The following DLG2 variants were observed in gnomAD, a reference collection of about 807,000 sequenced individuals.
The protein encoded by DLG2 is discs large MAGUK scaffold protein 2, also known as disks large homolog 2.
In DLG2, 45 loss-of-function variants were observed where a neutral mutation model predicts 132.5. That is an observed-to-expected ratio of 0.34 (90% CI 0.27 to 0.44). DLG2 has a LOEUF of 0.44. DLG2 is among the 20% of genes least tolerant of loss of function. The probability of loss-of-function intolerance (pLI) is 1.00; values close to 1 mark genes in which losing one functional copy is unlikely to be tolerated. For synonymous variants in DLG2, 424 were observed against 419.6 expected (o/e 1.01, Z -0.13); for missense variants, 1,045 against 1,196.9 (o/e 0.87, Z 1.87).
intron 11 of DLG2, among the ~76,000 whole-genome samples, chr11:83,990,845 T>C (rs2093667037): frequency 6.6e-6 from 1 of 152,136 alleles, no homozygotes; most frequent in Non-Finnish European, 1.5e-5. Flanking sequence ...AAAGCACTAG[T>C]AGTTTTCTGC....
At chr11:83,501,732 G>A (rs779300576) in intron 21 of DLG2, among the ~76,000 whole-genome samples, 36 of 152,282 alleles carry the variant, frequency 2.4e-4, no homozygotes, top group Admixed American at 5.9e-4. Flanking sequence ...TCCAGAGACT[G>A]ACATAACAGT....
intron 6 of DLG2, among the ~76,000 whole-genome samples, chr11:84,958,462 A>T (rs1283949430): frequency 6.6e-6 from 1 of 152,216 alleles, no homozygotes; most frequent in Non-Finnish European, 1.5e-5. Context: ...CTTTCTTGGA[A>T]CATAGGGCTT....
chr11:83,542,046 T>G (rs951941094), intron 19 of DLG2, among the ~76,000 whole-genome samples, 188 bp from the exon 20 acceptor site: 4 of 147,448 alleles, frequency 2.7e-5, no homozygotes, highest in African/African-American at 1.0e-4. Flanking sequence ...AGTTCTTGCT[T>G]CTTCTTGGAG....
chr11:83,801,526 T>A (rs1406753553), intron 17 of DLG2, among the ~76,000 whole-genome samples: 1 of 152,236 alleles, frequency 6.6e-6, no homozygotes, highest in African/African-American at 2.4e-5. Flanking sequence ...CTGTTTTGCA[T>A]CAGTCCAAGT....
intron 6 of DLG2, among the ~76,000 whole-genome samples, chr11:84,760,468 G>A (rs1048058097): frequency 3.3e-5 from 5 of 152,134 alleles, no homozygotes; most frequent in African/African-American, 1.2e-4. Flanking sequence ...TTAGGGGAGA[G>A]AAAGACAACC....
chr11:83,511,087 G>GACACACACACACACACAC (rs60156321), intron 21 of DLG2, among the ~76,000 whole-genome samples: 8,374 of 138,346 alleles, frequency 0.061, 361 homozygotes, highest in East Asian at 0.11. Context: ...CACACACACA[G>GACACACACACACACACAC]ACACACACAC....
rs1293882416 is a variant in DLG2 at position 83,862,709 on chromosome 11, C to T, written c.1565+11711G>A. ...GCAGCATTCATAATATTACTGTCTA[C>T]AAACTTTAAAACTCTGTACAACTAC... On this transcript the variant is annotated intron_variant, in intron 16 of 27. Coordinates refer to ENST00000376104, the MANE Select transcript of DLG2 (RefSeq NM_001142699.3). Among the ~76,000 whole-genome samples the T allele has an allele frequency of 2.0e-5, 3 of 152,116 alleles. No individual in the cohort carries two copies. The East Asian group carries it at 5.8e-4, about 29-fold the overall frequency.
intron 11 of DLG2, among the ~76,000 whole-genome samples, chr11:84,028,163 C>A (rs1218386191): frequency 6.6e-6 from 1 of 151,940 alleles, no homozygotes; most frequent in African/African-American, 2.4e-5. Context: ...AAAAATCTCT[C>A]TTCATTTCAA....
chr11:83,495,695 A>G (rs1435802023), intron 21 of DLG2, among the ~76,000 whole-genome samples: 1 of 152,060 alleles, frequency 6.6e-6, no homozygotes, highest in East Asian at 1.9e-4. Flanking sequence ...GCTTTCCTGA[A>G]CCTCACTCTC....
intron 11 of DLG2, among the ~76,000 whole-genome samples, chr11:84,030,583 G>C (rs2095664179): frequency 6.6e-6 from 1 of 152,148 alleles, no homozygotes; most frequent in Non-Finnish European, 1.5e-5. Flanking sequence ...CTCTCTTAAA[G>C]GGGAAGAGAG....
At chr11:85,061,267 C>T (rs2064105419) in intron 6 of DLG2, among the ~76,000 whole-genome samples, 1 of 151,556 alleles carries the variant, frequency 6.6e-6, no homozygotes, top group Non-Finnish European at 1.5e-5. Flanking sequence ...GTAGCCTGTG[C>T]TTTATTTTTT....
intron 3 of DLG2, among the ~76,000 whole-genome samples, chr11:85,344,431 G>T (rs887982502): frequency 6.6e-6 from 1 of 152,066 alleles, no homozygotes; most frequent in African/African-American, 2.4e-5. Context: ...CAGAAATAAA[G>T]CCCAACATAA....
At chr11:85,164,567 T>TA (rs1182156733) in intron 4 of DLG2, among the ~76,000 whole-genome samples, 1 of 152,098 alleles carries the variant, frequency 6.6e-6, no homozygotes, top group Non-Finnish European at 1.5e-5. Flanking sequence ...TTCCTTCATT[T>TA]AAAAAAAGAC....
intron 19 of DLG2, among the ~76,000 whole-genome samples, chr11:83,568,595 A>G (rs1193351854): frequency 6.6e-6 from 1 of 152,170 alleles, no homozygotes; most frequent in Admixed American, 6.5e-5. Context: ...TTAGAGGAAG[A>G]GGGAAGAGTC....
intron 14 of DLG2, among the ~76,000 whole-genome samples, chr11:83,948,611 C>A (rs1159651475): frequency 1.6e-4 from 5 of 31,248 alleles, no homozygotes; most frequent in African/African-American, 1.1e-3. Flanking sequence ...CTATGTAGTA[C>A]TGGAAAAAAA....
intron 18 of DLG2, among the ~76,000 whole-genome samples, chr11:83,779,137 A>G (rs1448088445): frequency 1.3e-5 from 2 of 152,190 alleles, no homozygotes; most frequent in Non-Finnish European, 2.9e-5. Flanking sequence ...GTAACATATT[A>G]GGTGAAATTT....
At chr11:83,918,761 AG>A (rs35465126) in intron 15 of DLG2, among the ~76,000 whole-genome samples, 27,577 of 152,080 alleles carry the variant, frequency 0.18, 2,756 homozygotes, top group Non-Finnish European at 0.23. Context: ...CGCCTGTCAA[AG>A]GGCAGAGTGG....
intron 6 of DLG2, among the ~76,000 whole-genome samples, chr11:85,014,649 C>A (rs1400295549): frequency 6.6e-6 from 1 of 152,126 alleles, no homozygotes; most frequent in Non-Finnish European, 1.5e-5. Context: ...TTGGTTTTAA[C>A]CCTCCAGAAG....
intron 6 of DLG2, among the ~76,000 whole-genome samples, chr11:84,994,986 C>T (rs748753354): frequency 6.6e-6 from 1 of 152,062 alleles, no homozygotes; most frequent in Non-Finnish European, 1.5e-5. Context: ...CTGGAGACTT[C>T]TGAATGCAAG....
Sources: allele counts gnomAD v4.1 joint callset (sites outside exome capture counted in the v4.1 genomes callset), GRCh38; gene constraint gnomAD v4.1.1; transcripts MANE v1.5; gene names NCBI Gene and HGNC (gene_info 2026-07-23, HGNC 2026-07-21).